The following SASH1 variants were observed in gnomAD, a reference collection of about 807,000 sequenced individuals.
The protein encoded by SASH1 is SAM and SH3 domain-containing protein 1.
Under a neutral mutation model 125.2 loss-of-function variants are expected in SASH1, and 44 were observed. That is an observed-to-expected ratio of 0.35 (90% CI 0.28 to 0.45). SASH1 has a LOEUF of 0.45. SASH1 is among the 20% of genes least tolerant of loss of function. The probability of loss-of-function intolerance (pLI) is 1.00; values close to 1 mark genes in which losing one functional copy is unlikely to be tolerated. For missense variants in SASH1, 1,426 were observed against 1,614.5 expected, an observed-to-expected ratio of 0.88 and a Z score of 2.00; for synonymous variants, 639 against 649.1, an observed-to-expected ratio of 0.98 and a Z score of 0.24.
chr6:148,526,778 C>G (rs1781189191), intron 11 of SASH1, among the ~76,000 whole-genome samples: 1 of 152,004 alleles, frequency 6.6e-6, no homozygotes, highest in East Asian at 1.9e-4. Flanking sequence ...ACCATTTGTT[C>G]TAATCTCTTT....
intron 4 of SASH1, among the ~76,000 whole-genome samples, chr6:148,448,559 G>A (rs980236403): frequency 1.3e-5 from 2 of 152,016 alleles, no homozygotes; most frequent in African/African-American, 2.4e-5. Flanking sequence ...ACCAAGTTTC[G>A]AGTTTCTTCT....
chr6:148,253,980 C>T, the SASH1 span, among the ~76,000 whole-genome samples: 9 of 151,994 alleles, frequency 5.9e-5, no homozygotes, highest in South Asian at 4.2e-4. Flanking sequence ...TCAAGGTGGG[C>T]GGATCACCTG....
the SASH1 span, among the ~76,000 whole-genome samples, chr6:148,205,887 C>G: frequency 1.3e-5 from 2 of 152,180 alleles, no homozygotes; most frequent in Non-Finnish European, 2.9e-5. Context: ...ATCTCCACCC[C>G]TACCCACTGT....
chr6:148,368,673 C>T (rs182707351), intron 1 of SASH1, among the ~76,000 whole-genome samples: 11 of 151,222 alleles, frequency 7.3e-5, no homozygotes, highest in Non-Finnish European at 1.3e-4. Context: ...ACAAGAATAC[C>T]GACAATGTAG....
the SASH1 span, among the ~76,000 whole-genome samples, chr6:148,248,134 T>G: frequency 6.6e-6 from 1 of 152,182 alleles, no homozygotes; most frequent in Non-Finnish European, 1.5e-5. Context: ...TCTTTTACAA[T>G]CCTCCAAACT....
At chr6:148,307,058 TTCTTTC>T (rs1306309782) in intron 1 of SASH1, among the ~76,000 whole-genome samples, 1 of 146,550 alleles carries the variant, frequency 6.8e-6, no homozygotes, top group Non-Finnish European at 1.5e-5. Context: ...CTTTCTTTCT[TTCTTTC>T]TTTCTTTCTT....
intron 1 of SASH1, among the ~76,000 whole-genome samples, chr6:148,353,698 A>G (rs10872614): frequency 0.59 from 89,114 of 151,900 alleles, 26,124 homozygotes; most frequent in Middle Eastern, 0.67. Flanking sequence ...GCCTCCCAAA[A>G]TGCTGGGATT....
At chr6:148,346,487 C>A (rs370668455) in intron 1 of SASH1, among the ~76,000 whole-genome samples, 150 of 139,230 alleles carry the variant, frequency 1.1e-3, no homozygotes, top group East Asian at 1.3e-3. Flanking sequence ...AACAAGCTTG[C>A]AAAAAAAAAA....
At chr6:148,398,569 T>A (rs1784046268) in intron 2 of SASH1, among the ~76,000 whole-genome samples, 1 of 152,216 alleles carries the variant, frequency 6.6e-6, no homozygotes, top group Non-Finnish European at 1.5e-5. Context: ...AGAAGACTTA[T>A]GTCGTCCCTG....
At position 148,309,759 on chromosome 6, in the gene SASH1, G is replaced by A. The variant is rs1034804908; in HGVS notation, n.74+37382G>A. Among the ~76,000 whole-genome samples the A allele has an allele frequency of 3.3e-5, 5 of 151,610 alleles. 1 individual carries two copies. In the East Asian group the frequency reaches 9.6e-4, roughly 29 times the overall value. ...TGTAAACATTTGACAGGTGACCTTTGCCAGCATGTTGGGTGGGTCAGAGCT... is the reference window on the plus strand; with the variant it reads ...TGTAAACATTTGACAGGTGACCTTTACCAGCATGTTGGGTGGGTCAGAGCT... On this transcript the variant is annotated intron_variant and non_coding_transcript_variant, in intron 1 of 3. Coordinates refer to the SASH1 transcript ENST00000367469.
At chr6:148,306,627 T>C (rs1780136006) in intron 1 of SASH1, among the ~76,000 whole-genome samples, 2 of 152,162 alleles carry the variant, frequency 1.3e-5, no homozygotes, top group Admixed American at 6.5e-5. Flanking sequence ...TCTTTTGTTT[T>C]ATTGAAGCAG....
intron 7 of SASH1, among the ~76,000 whole-genome samples, chr6:148,476,510 C>T (rs1778353395): frequency 1.3e-5 from 2 of 152,022 alleles, no homozygotes; most frequent in East Asian, 1.9e-4. Flanking sequence ...GGTGAAACCC[C>T]GTCTCCACTA....
the SASH1 span, among the ~76,000 whole-genome samples, chr6:148,238,577 T>C: frequency 6.6e-6 from 1 of 152,036 alleles, no homozygotes; most frequent in East Asian, 1.9e-4. Context: ...TTAGTCATTA[T>C]ATCTTACCCA....
At chr6:148,474,264 C>T in intron 7 of SASH1, 42 bp downstream of exon 7, 1 of 1,263,224 alleles carries the variant, frequency 7.9e-7, no homozygotes. Context: ...GAGGACTTGA[C>T]TTTCTGAAGT....
chr6:148,417,389 A>AT (rs1333483777), intron 2 of SASH1, among the ~76,000 whole-genome samples: 9 of 152,248 alleles, frequency 5.9e-5, no homozygotes, highest in African/African-American at 2.2e-4. Flanking sequence ...GATTGAGACC[A>AT]TCCTGGCCAA....
At chr6:148,355,466 G>A (rs568890024) in intron 1 of SASH1, among the ~76,000 whole-genome samples, 2 of 152,346 alleles carry the variant, frequency 1.3e-5, no homozygotes, top group South Asian at 2.1e-4. Flanking sequence ...TAAATGATAT[G>A]TAGAAGATAT....
intron 7 of SASH1, among the ~76,000 whole-genome samples, chr6:148,486,163 C>T (rs147488101): frequency 0.014 from 2,173 of 152,238 alleles, 52 homozygotes; most frequent in African/African-American, 0.05. Flanking sequence ...TCTTGTCGCC[C>T]GGGCTGGAGT....
chr6:148,508,723 C>G, intron 8 of SASH1: 1 of 1,221,130 alleles, frequency 8.2e-7, no homozygotes, highest in Admixed American at 3.0e-5. Flanking sequence ...GATCATGTAA[C>G]TCCAGAGAGA....
chr6:148,424,747 C>T (rs1289137528), intron 2 of SASH1, among the ~76,000 whole-genome samples: 2 of 152,154 alleles, frequency 1.3e-5, no homozygotes, highest in African/African-American at 4.8e-5. Flanking sequence ...TCAGGTGGGG[C>T]TCCAGATACA....
Sources: gnomAD v4.1 joint callset for allele counts (sites outside exome capture counted in the v4.1 genomes callset) on GRCh38, gnomAD v4.1.1 for gene constraint, MANE v1.5 for transcripts, NCBI Gene and HGNC (gene_info 2026-07-23, HGNC 2026-07-21) for gene names.